The following TJP2 variants were observed in gnomAD, a reference collection of about 807,000 sequenced individuals.
The protein encoded by TJP2 is tight junction protein 2.
TJP2 carries 91 observed loss-of-function variants against 133.1 expected under a neutral mutation model. The observed-to-expected ratio is 0.68, with a 90% CI of 0.58 to 0.81. The LOEUF (loss-of-function observed/expected upper bound fraction) is 0.81, where lower values mean the gene tolerates loss of function less well. Among genes scored for constraint, TJP2 ranks in the 40% least tolerant of loss-of-function variants. The pLI, the probability that TJP2 is intolerant of heterozygous loss-of-function variation, is 0.00. For missense variants in TJP2, 1,541 were observed against 1,565.6 expected (o/e 0.98, Z 0.26); for synonymous variants, 592 against 583.4 (o/e 1.01, Z -0.21).
intron 1 of TJP2, among the ~76,000 whole-genome samples, chr9:69,201,670 G>T (rs1468508587): frequency 6.6e-6 from 1 of 151,320 alleles, no homozygotes; most frequent in East Asian, 1.9e-4. Context: ...GTTCATGGCA[G>T]CGTTTTTCAC....
intron 1 of TJP2, among the ~76,000 whole-genome samples, chr9:69,205,773 C>G (rs1489476725): frequency 6.6e-6 from 1 of 152,160 alleles, no homozygotes; most frequent in African/African-American, 2.4e-5. Context: ...TGCGATTAAT[C>G]TTTGGTTTTA....
chr9:69,174,134 A>AT, upstream of TJP2: 1 of 1,244,050 alleles, frequency 8.0e-7, no homozygotes, highest in East Asian at 3.5e-5. Context: ...GTAGCGGCCA[A>AT]TTTGACAGTT....
At chr9:69,226,716 C>G (rs986013500) in intron 7 of TJP2, among the ~76,000 whole-genome samples, 2 of 152,190 alleles carry the variant, frequency 1.3e-5, no homozygotes, top group African/African-American at 4.8e-5. Flanking sequence ...CCAGGCTGGT[C>G]TTGAACTCCT....
chr9:69,172,418 T>A (rs1453049674), upstream of TJP2, among the ~76,000 whole-genome samples: 1 of 152,248 alleles, frequency 6.6e-6, no homozygotes, highest in East Asian at 1.9e-4. Flanking sequence ...ATTAGCCACA[T>A]GTGGCTTCTG....
At chr9:69,215,895 C>T (rs1828333569) in intron 2 of TJP2, among the ~76,000 whole-genome samples, 1 of 152,100 alleles carries the variant, frequency 6.6e-6, no homozygotes, top group Non-Finnish European at 1.5e-5. Context: ...GATCAAAACT[C>T]TGTCTCTTAA....
Position 69,249,570 on chromosome 9 carries a change from C to T in TJP2, c.2991+85C>T, listed in dbSNP as rs1459503970. On this transcript the variant is annotated intron_variant, in intron 20 of 22. Coordinates refer to ENST00000377245, the MANE Select transcript of TJP2 (RefSeq NM_004817.4). ...CTGGACGGCCAGGGAGGAGCATGCACACTGAGATGGTGTTTAATTACGGTT... is the reference window on the plus strand; with the variant it reads ...CTGGACGGCCAGGGAGGAGCATGCATACTGAGATGGTGTTTAATTACGGTT... 3.2e-6 allele frequency: 5 copies of T among 1,548,740 alleles called. No homozygotes were observed. In the East Asian group the frequency reaches 9.8e-5, roughly 30 times the overall value.
chr9:69,206,319 T>C (rs1235021765), intron 1 of TJP2, among the ~76,000 whole-genome samples: 1 of 151,976 alleles, frequency 6.6e-6, no homozygotes, highest in African/African-American at 2.4e-5. Flanking sequence ...CTAACCTGCG[T>C]CCCCACTCTG....
intron 1 of TJP2, among the ~76,000 whole-genome samples, chr9:69,176,649 C>G (rs1442696949): frequency 2.0e-5 from 3 of 152,152 alleles, no homozygotes; most frequent in Non-Finnish European, 2.9e-5. Context: ...TTACATCACC[C>G]CCGGGGGAAT....
rs2133325906 is a variant in TJP2, at chr9:69,227,779, G to A, written c.1225G>A (p.Glu409Lys). The change falls in exon 8 of 23, where the codon GAG (glutamate) becomes AAG (lysine). Residue 409 changes from glutamate (E) to lysine (K), a missense_variant. Coordinates refer to ENST00000377245, the MANE Select transcript of TJP2 (RefSeq NM_004817.4). ...DSEIEDISEI[E>K]SNRSFSPEER... ...TTTGAAACTAGATATTTCAGAAATA[G>A]AGTCAAACCGATCATTTTCTCCAGA... The A allele has an allele frequency of 1.9e-6, 3 of 1,607,544 alleles. No individual in the cohort carries two copies. The highest frequency in any genetic ancestry group is 2.6e-6 in the Non-Finnish European group (3 of 1,174,578).
At chr9:69,132,515 C>T (rs1040264872) in intron 1 of TJP2, among the ~76,000 whole-genome samples, 3 of 152,098 alleles carry the variant, frequency 2.0e-5, no homozygotes, top group Non-Finnish European at 4.4e-5. Context: ...GGGTTTTGCA[C>T]CTAGATCCTG....
chr9:69,123,898 C>T lies in TJP2; in HGVS notation c.-131+2173C>T, dbSNP rs184774822. Among the ~76,000 whole-genome samples the T allele has an allele frequency of 1.5e-3, 111 of 76,218 alleles. 38 individuals are homozygous for T. Among genetic ancestry groups the T allele is most frequent in the African/African-American group, 4.0e-3 (101 of 25,072 alleles). 50.0% of individuals were successfully genotyped at this position (76,218 alleles called of 152,430 possible). Reference sequence around the variant, plus strand: ...ATTTATTTATTTTGAGACGGAGTCTCGCTCTGTCGCCCAGGCTGGAGTGCA... The same window carrying T: ...ATTTATTTATTTTGAGACGGAGTCTTGCTCTGTCGCCCAGGCTGGAGTGCA... On this transcript the variant is annotated intron_variant, in intron 1 of 5. Transcript: ENST00000423935.
intron 2 of TJP2, among the ~76,000 whole-genome samples, chr9:69,213,100 G>A (rs1828062369): frequency 9.1e-6 from 1 of 110,298 alleles, no homozygotes. Context: ...TTGCACTCTT[G>A]TCGCCCAGGC....
intron 2 of TJP2, among the ~76,000 whole-genome samples, chr9:69,156,033 T>G (rs1318582339): frequency 6.6e-6 from 1 of 152,224 alleles, no homozygotes; most frequent in Non-Finnish European, 1.5e-5. Flanking sequence ...GACTCCTATA[T>G]GTAAACCAGA....
Position 69,220,930 on chromosome 9 carries a change from C to T in TJP2, c.386C>T (p.Ala129Val), listed in dbSNP as rs749330336. 9.9e-6 allele frequency: 16 copies of T among 1,612,432 alleles called. No homozygotes were observed. Among genetic ancestry groups the T allele is most frequent in the African/African-American group, 1.3e-5 (1 of 74,900 alleles). Residue 129 changes from alanine (A) to valine (V), a missense_variant, in exon 5 of 23, where the codon GCC becomes GTC. By Grantham distance (64) the Ala-to-Val change is moderately conservative. Coordinates refer to ENST00000377245, the MANE Select transcript of TJP2 (RefSeq NM_004817.4). ...PRKVQVAALQ[A>V]SPPLDQDDRA... ...AAGGTCCAGGTGGCCGCACTTCAGGCCAGCCCTCCCCTGGATCAGGATGAC... is the reference window on the plus strand; with the variant it reads ...AAGGTCCAGGTGGCCGCACTTCAGGTCAGCCCTCCCCTGGATCAGGATGAC...
chr9:69,169,369 T>TTGG (rs564265872), upstream of TJP2, among the ~76,000 whole-genome samples: 3 of 120,090 alleles, frequency 2.5e-5, no homozygotes, highest in African/African-American at 3.2e-5. Context: ...TTTTTTTTTT[T>TTGG]GGGGGGGGGA....
chr9:69,153,117 TAGCTACATGAGA>T, intron 2 of TJP2, among the ~76,000 whole-genome samples: 1 of 151,798 alleles, frequency 6.6e-6, no homozygotes, highest in South Asian at 2.1e-4. Context: ...CCTGTAGTCC[TAGCTACATGAGA>T]AGCTGAGGTG....
At chr9:69,195,783 A>T (rs1462673930) in intron 1 of TJP2, among the ~76,000 whole-genome samples, 1 of 151,792 alleles carries the variant, frequency 6.6e-6, no homozygotes, top group African/African-American at 2.4e-5. Context: ...ATCCGACTCG[A>T]CTCCCTTTCT....
intron 11 of TJP2, 71 bp from the exon 12 acceptor site, chr9:69,234,368 T>TG: frequency 3.8e-6 from 5 of 1,329,446 alleles, no homozygotes; most frequent in Non-Finnish European, 5.2e-6. Context: ...AACTTCTCTG[T>TG]TTTTTCTTTC....
chr9:69,248,437 G>T (rs1021806121), intron 19 of TJP2: 6 of 1,420,416 alleles, frequency 4.2e-6, no homozygotes, highest in Non-Finnish European at 5.5e-6. Context: ...AGCTTGAGGG[G>T]TCAGCACTCC....
Sources: gnomAD v4.1 joint callset for allele counts (sites outside exome capture counted in the v4.1 genomes callset) on GRCh38, gnomAD v4.1.1 for gene constraint, MANE v1.5 for transcripts, NCBI Gene and HGNC (gene_info 2026-07-23, HGNC 2026-07-21) for gene names.